Variants in CPQ observed in about 807,000 individuals in gnomAD.
The protein encoded by CPQ is carboxypeptidase Q, also known as Ser-Met dipeptidase.
In CPQ, 37 loss-of-function variants were observed where a neutral mutation model predicts 45.7. That is an observed-to-expected ratio of 0.81 (90% CI 0.62 to 1.07). The LOEUF (loss-of-function observed/expected upper bound fraction) is 1.07. Ranked by LOEUF, CPQ falls within the 50% of genes least tolerant of loss-of-function variation. CPQ has a pLI of 0.00. For missense variants in CPQ, 537 were observed against 572.9 expected, an observed-to-expected ratio of 0.94 and a Z score of 0.64; for synonymous variants, 186 against 205.8, an observed-to-expected ratio of 0.90 and a Z score of 0.82.
At chr8:96,914,365 G>A (rs1586449475) in intron 4 of CPQ, among the ~76,000 whole-genome samples, 1 of 152,172 alleles carries the variant, frequency 6.6e-6, no homozygotes, top group Non-Finnish European at 1.5e-5. Flanking sequence ...GAAAGGAAAA[G>A]AACAGGGCCC....
chr8:96,979,671 T>C (rs1005669329), intron 5 of CPQ, among the ~76,000 whole-genome samples: 2 of 152,160 alleles, frequency 1.3e-5, no homozygotes, highest in African/African-American at 4.8e-5. Context: ...GTTAACTGGG[T>C]TTTTTTAATT....
intron 1 of CPQ, among the ~76,000 whole-genome samples, chr8:96,739,312 GT>G (rs755787498): frequency 0.052 from 7,406 of 141,164 alleles, 158 homozygotes; most frequent in Middle Eastern, 0.088. Context: ...GGGGTTGTTT[GT>G]TTTTTTCTTG....
In CPQ at chr8:97,128,512, T is replaced by C. The variant is rs373965390; in HGVS notation, c.1256-14508T>C. On this transcript the variant is annotated intron_variant, in intron 7 of 7. Coordinates refer to ENST00000220763, the MANE Select transcript of CPQ (RefSeq NM_016134.4). ...CCAGCCTGGCCAACTCGGTGAAACCTCGTTTCTACTAAAAATACAAAAATT... is the reference window on the plus strand; with the variant it reads ...CCAGCCTGGCCAACTCGGTGAAACCCCGTTTCTACTAAAAATACAAAAATT... Among the ~76,000 whole-genome samples the C allele has an allele frequency of 1.6e-3, 241 of 152,230 alleles. 2 individuals carry two copies. Among genetic ancestry groups the C allele is most frequent in the Admixed American group, 2.9e-3 (45 of 15,288 alleles).
intron 1 of CPQ, among the ~76,000 whole-genome samples, chr8:96,671,626 T>G (rs1444390037): frequency 2.4e-4 from 37 of 152,172 alleles, no homozygotes; most frequent in Admixed American, 2.4e-3. Context: ...ACATTAAATT[T>G]GAAAGAATAT....
chr8:96,844,485 G>T (rs1488796364), intron 3 of CPQ, among the ~76,000 whole-genome samples: 1 of 152,172 alleles, frequency 6.6e-6, no homozygotes, highest in Non-Finnish European at 1.5e-5. Flanking sequence ...CCATTTAGAT[G>T]CTGTGTGACC....
intron 4 of CPQ, among the ~76,000 whole-genome samples, chr8:96,883,583 G>A (rs769281471): frequency 5.3e-5 from 8 of 152,294 alleles, no homozygotes; most frequent in African/African-American, 7.2e-5. Context: ...CTGTGGTTGC[G>A]TTTTGTGGAG....
At chr8:97,131,706 A>C (rs1811960981) in intron 7 of CPQ, among the ~76,000 whole-genome samples, 1 of 152,178 alleles carries the variant, frequency 6.6e-6, no homozygotes, top group South Asian at 2.1e-4. Flanking sequence ...TTTATTTCTC[A>C]TTATAGCTTA....
chr8:96,781,455 C>T (rs1009557996), intron 1 of CPQ, among the ~76,000 whole-genome samples: 1 of 152,104 alleles, frequency 6.6e-6, no homozygotes, highest in African/African-American at 2.4e-5. Context: ...ATAACCCATT[C>T]CCTCAATAAA....
chr8:96,722,129 T>C (rs111593443), intron 1 of CPQ, among the ~76,000 whole-genome samples: 3,654 of 152,280 alleles, frequency 0.024, 159 homozygotes, highest in African/African-American at 0.083. Flanking sequence ...GCTATATCCA[T>C]AGTGCTTAGT....
intron 1 of CPQ, among the ~76,000 whole-genome samples, chr8:96,707,663 T>TAATGAATG (rs200941319): frequency 6.6e-6 from 1 of 151,906 alleles, no homozygotes; most frequent in Non-Finnish European, 1.5e-5. Flanking sequence ...AATTTCATTT[T>TAATGAATG]AATGAATGAA....
At chr8:96,744,879 T>C (rs1346434489) in intron 1 of CPQ, among the ~76,000 whole-genome samples, 1 of 152,204 alleles carries the variant, frequency 6.6e-6, no homozygotes, top group Non-Finnish European at 1.5e-5. Context: ...GAAGTGTTGA[T>C]CTGGATTGTT....
At chr8:97,058,326 A>T (rs185462466) in intron 6 of CPQ, among the ~76,000 whole-genome samples, 1 of 152,304 alleles carries the variant, frequency 6.6e-6, no homozygotes, top group Admixed American at 6.5e-5. Flanking sequence ...GCGGTCCATT[A>T]TAACCTTAGA....
chr8:97,057,214 T>C (rs886610035), intron 6 of CPQ, among the ~76,000 whole-genome samples: 3 of 152,180 alleles, frequency 2.0e-5, no homozygotes, highest in Non-Finnish European at 2.9e-5. Flanking sequence ...TCAAAATAAC[T>C]GTTGAATAAA....
At chr8:97,019,476 A>G (rs1000096533) in intron 5 of CPQ, among the ~76,000 whole-genome samples, 1 of 152,224 alleles carries the variant, frequency 6.6e-6, no homozygotes, top group Non-Finnish European at 1.5e-5. Flanking sequence ...TGCTGCCTTC[A>G]GAGACACACC....
chr8:96,825,764 A>G (rs1811371814), intron 2 of CPQ, among the ~76,000 whole-genome samples: 3 of 152,050 alleles, frequency 2.0e-5, no homozygotes, highest in South Asian at 2.1e-4. Flanking sequence ...CAGTAGTTTC[A>G]CTCAAGTTTT....
chr8:97,141,389 A>C (rs2130634558), intron 7 of CPQ, among the ~76,000 whole-genome samples: 1 of 152,258 alleles, frequency 6.6e-6, no homozygotes, highest in Non-Finnish European at 1.5e-5. Context: ...AACTTCACAA[A>C]AGAGAAAACA....
intron 4 of CPQ, among the ~76,000 whole-genome samples, chr8:96,928,457 GGAGA>G (rs1450721500): frequency 6.6e-6 from 1 of 151,298 alleles, no homozygotes; most frequent in Admixed American, 6.6e-5. Context: ...AGACAGACAG[GGAGA>G]GAGAGACCTT....
intron 1 of CPQ, among the ~76,000 whole-genome samples, chr8:96,680,707 A>G (rs1264817679): frequency 1.3e-5 from 2 of 152,208 alleles, no homozygotes; most frequent in South Asian, 2.1e-4. Flanking sequence ...ACTGGGTAAC[A>G]TGCAGAGGTT....
At position 96,805,675 on chromosome 8, in the gene CPQ, T is replaced by A. The variant is rs561439166; in HGVS notation, c.433+20345T>A. Among the ~76,000 whole-genome samples, 3 of 152,298 alleles carry A rather than the reference T, an allele frequency of 2.0e-5. No homozygotes were observed. In the South Asian group the frequency reaches 6.2e-4, roughly 32 times the overall value. On this transcript the variant is annotated intron_variant, in intron 2 of 7. Transcript: ENST00000220763. ...TTCAGTTGTTAATCACAGAGTTTGA[T>A]TCCATTACAATAATAATCGCTGAGT...
Sources: allele counts gnomAD v4.1 joint callset (sites outside exome capture counted in the v4.1 genomes callset), GRCh38; gene constraint gnomAD v4.1.1; transcripts MANE v1.5; gene names NCBI Gene and HGNC (gene_info 2026-07-23, HGNC 2026-07-21).